LRBA: variants seen among roughly 807,000 people sequenced by gnomAD.
LRBA encodes the protein LPS responsive beige-like anchor protein.
LRBA carries 176 observed loss-of-function variants against 330.0 expected under a neutral mutation model. The observed-to-expected ratio is 0.53, with a 90% confidence interval of 0.47 to 0.60. The LOEUF is 0.60. LRBA is among the 20% of genes least tolerant of loss of function. The pLI, the probability that LRBA is intolerant of heterozygous loss-of-function variation, is 0.00. For synonymous variants in LRBA, 1,230 were observed against 1,193.0 expected, an observed-to-expected ratio of 1.03 and a Z score of -0.64; for missense variants, 3,259 against 3,444.8, an observed-to-expected ratio of 0.95 and a Z score of 1.35.
At chr4:150,807,995 A>C (rs974534179) in intron 32 of LRBA, among the ~76,000 whole-genome samples, 4 of 152,140 alleles carry the variant, frequency 2.6e-5, no homozygotes, top group Admixed American at 2.6e-4. Context: ...CCACACTTTC[A>C]ATTTGCAATC....
In LRBA at chr4:150,321,326, T is replaced by C. The variant is rs1561010329; in HGVS notation, c.7495A>G (p.Met2499Val). 1 of 1,606,170 alleles carries C rather than the reference T, an allele frequency of 6.2e-7. No homozygotes were observed. Among genetic ancestry groups the C allele is most frequent in the Admixed American group, 1.7e-5 (1 of 57,882 alleles). ...FTDKAQQDVIMVLKFPSNSPV... is the reference protein window; with the variant it reads ...FTDKAQQDVIVVLKFPSNSPV... ...GAGTTGGAGGGAAACTTGAGGACCA[T>C]GATAACATCCTGCTGGGCTTTGTCT... Residue 2499 changes from methionine to valine, a missense_variant, in exon 50 of 57, where the codon ATG (methionine) becomes GTG (valine). Transcript: ENST00000651943. This position sits in a 1 kb window ranked among gnomAD's most constrained non-coding sequence, Gnocchi z 4.5.
intron 2 of LRBA, among the ~76,000 whole-genome samples, chr4:150,977,852 G>A (rs1362962673): frequency 1.3e-5 from 2 of 152,192 alleles, no homozygotes; most frequent in Non-Finnish European, 2.9e-5. Flanking sequence ...AAGACTTTGA[G>A]CAACATCTTA....
chr4:150,766,658 G>A (rs759462600), intron 34 of LRBA, among the ~76,000 whole-genome samples: 18 of 152,200 alleles, frequency 1.2e-4, no homozygotes, highest in African/African-American at 2.9e-4. Flanking sequence ...AATGGTCATC[G>A]TCTTTCATGA....
intron 44 of LRBA, among the ~76,000 whole-genome samples, chr4:150,448,203 G>C (rs1223991252): frequency 1.3e-5 from 2 of 152,146 alleles, no homozygotes; most frequent in Non-Finnish European, 2.9e-5. Context: ...TTGTATCTAA[G>C]GGACATAAGA....
intron 47 of LRBA, among the ~76,000 whole-genome samples, chr4:150,369,283 C>T (rs1047298841): frequency 2.2e-4 from 34 of 152,090 alleles, no homozygotes; most frequent in African/African-American, 8.0e-4. Flanking sequence ...AAAATGTTAT[C>T]AAATAATCAA....
chr4:150,859,245 A>G (rs1560925663), intron 22 of LRBA, among the ~76,000 whole-genome samples: 1 of 152,228 alleles, frequency 6.6e-6, no homozygotes, highest in South Asian at 2.1e-4. Context: ...TATTCATTTT[A>G]AGTCATAAAC....
intron 40 of LRBA, among the ~76,000 whole-genome samples, chr4:150,522,783 A>G (rs1763059471): frequency 1.3e-5 from 2 of 152,206 alleles, no homozygotes; most frequent in African/African-American, 4.8e-5. Context: ...AGAGTGCAAT[A>G]GCTGTGGAGG....
intron 2 of LRBA, among the ~76,000 whole-genome samples, chr4:150,943,071 T>G (rs1735858174): frequency 6.6e-6 from 1 of 152,172 alleles, no homozygotes; most frequent in Admixed American, 6.5e-5. Flanking sequence ...AGTTAGAAAT[T>G]TTCACAGAAT....
At chr4:150,941,962 T>C (rs971033830) in intron 2 of LRBA, among the ~76,000 whole-genome samples, 3 of 152,186 alleles carry the variant, frequency 2.0e-5, no homozygotes, top group East Asian at 1.9e-4. Flanking sequence ...AGTGTTTTTC[T>C]TGCAGGTAAA....
intron 40 of LRBA, among the ~76,000 whole-genome samples, chr4:150,546,109 T>C (rs1258955893): frequency 6.6e-6 from 1 of 152,158 alleles, no homozygotes; most frequent in Non-Finnish European, 1.5e-5. Flanking sequence ...GATTTGTGTA[T>C]TTTGCAAAAG....
rs763187473 is a variant in LRBA at position 150,808,341 on chromosome 4, T to C, written c.5363A>G (p.Gln1788Arg). Residue 1788 changes from glutamine to arginine, a missense_variant, in exon 32 of 57, where the codon CAA becomes CGA. Coordinates refer to ENST00000651943, the MANE Select transcript of LRBA (RefSeq NM_001364905.1). ...ATACCTCATATTTGAAACCGGATCTTGTGAAACTGAATCAACTGTTGGAAC... is the reference window on the plus strand; with the variant it reads ...ATACCTCATATTTGAAACCGGATCTCGTGAAACTGAATCAACTGTTGGAAC... ...PSVPTVDSVS[Q>R]DPVSNMSITE... 2.5e-6 allele frequency: 4 copies of C among 1,612,250 alleles called. No homozygotes were observed. The African/African-American group carries it at 4.0e-5, about 16-fold the overall frequency.
At chr4:150,745,482 A>C (rs1001658221) in intron 35 of LRBA, among the ~76,000 whole-genome samples, 3 of 152,124 alleles carry the variant, frequency 2.0e-5, no homozygotes, top group Non-Finnish European at 4.4e-5. Context: ...CAGTATGAAC[A>C]AAGTTATAAA....
rs7676859 is a variant in LRBA, at chr4:150,777,066, T to G, written c.5581-15219A>C. ...TTTTAAAGTCAGTTTTTTGAGGGGT[T>G]TTGTTGTTGTTGTTGTTGTTGTTGT... On this transcript the variant is annotated intron_variant, in intron 34 of 56. Transcript: ENST00000651943. 6.4e-3 allele frequency among the ~76,000 whole-genome samples: 863 copies of G among 134,362 alleles called. 4 individuals are homozygous for G. The highest frequency in any genetic ancestry group is 0.013 in the African/African-American group (359 of 27,380). The allele number at this position is 134,362 out of a possible 152,430, so 88.1% of individuals were successfully genotyped here. A position where few individuals can be genotyped will look rare whatever the true frequency, so the allele number is the denominator to read the frequency against.
intron 17 of LRBA, among the ~76,000 whole-genome samples, chr4:150,876,165 G>A (rs57218449): frequency 0.084 from 12,692 of 151,882 alleles, 896 homozygotes; most frequent in African/African-American, 0.2. Flanking sequence ...AAATTTACCT[G>A]AACAAAAATT....
intron 40 of LRBA, chr4:150,582,774 T>C (rs533079642): frequency 4.5e-6 from 2 of 442,544 alleles, no homozygotes; most frequent in South Asian, 5.4e-5. Flanking sequence ...CAAGAGGTAC[T>C]TTTCTTTTTA....
chr4:150,987,434 G>T (rs1741583687), intron 2 of LRBA, among the ~76,000 whole-genome samples: 1 of 152,226 alleles, frequency 6.6e-6, no homozygotes, highest in African/African-American at 2.4e-5. Flanking sequence ...GCCAGATGTG[G>T]TGGCTCACCT....
chr4:150,730,043 CT>C (rs369862280), intron 36 of LRBA, among the ~76,000 whole-genome samples: 7 of 152,174 alleles, frequency 4.6e-5, no homozygotes, highest in African/African-American at 1.7e-4. Context: ...TGTGAAACTA[CT>C]ACAAAAAAAA....
At chr4:150,407,551 A>C (rs1463970629) in intron 47 of LRBA, among the ~76,000 whole-genome samples, 1 of 152,220 alleles carries the variant, frequency 6.6e-6, no homozygotes, top group South Asian at 2.1e-4. Flanking sequence ...TCACATCCAC[A>C]GAACACTCAA....
intron 44 of LRBA, among the ~76,000 whole-genome samples, chr4:150,439,888 T>C (rs1326419580): frequency 5.3e-5 from 8 of 152,184 alleles, no homozygotes; most frequent in Non-Finnish European, 8.8e-5. Context: ...TTCAACTATG[T>C]TATAATGCTG....
Sources: gnomAD v4.1 joint callset for allele counts (sites outside exome capture counted in the v4.1 genomes callset) on GRCh38, gnomAD v4.1.1 for gene constraint, Gnocchi (gnomAD v3.1) non-coding constraint, MANE v1.5 for transcripts, NCBI Gene and HGNC (gene_info 2026-07-23, HGNC 2026-07-21) for gene names.